Variants in RBMS3 observed in about 807,000 individuals in gnomAD.
RBMS3 encodes the protein RNA-binding motif, single-stranded-interacting protein 3.
A neutral mutation model predicts 66.8 loss-of-function variants in RBMS3; 27 were observed. That is an observed-to-expected ratio of 0.40 (90% CI 0.30 to 0.56). The LOEUF (loss-of-function observed/expected upper bound fraction) is 0.56. Among genes scored for constraint, RBMS3 ranks in the 20% least tolerant of loss-of-function variants. The pLI is 0.40. For missense variants in RBMS3, 513 were observed against 549.5 expected (o/e 0.93, Z 0.66); for synonymous variants, 188 against 183.0 (o/e 1.03, Z -0.22).
chr3:29,356,769 TA>T (rs1052396684), intron 1 of RBMS3, among the ~76,000 whole-genome samples: 2 of 152,134 alleles, frequency 1.3e-5, no homozygotes, highest in African/African-American at 4.8e-5. Context: ...TATATTCAGA[TA>T]CCTAATATGA....
At position 30,007,870 on chromosome 3, in the gene RBMS3, A is replaced by G. The variant is rs879915312; in HGVS notation, c.*4008A>G. The G allele has an allele frequency of 9.9e-5, 15 of 152,044 alleles. No individual in the cohort carries two copies. Among genetic ancestry groups the G allele is most frequent in the Non-Finnish European group, 1.8e-4 (12 of 67,966 alleles). The allele number at this position is 152,044 out of a possible 1,614,324, so 9.4% of individuals were successfully genotyped here. ...TAGCAGATCTGTCACATTTGAAAGC[A>G]TATGACTCACTTCCACCCCCTTCTA... On this transcript the variant is annotated 3_prime_UTR_variant, in exon 15 of 15. Transcript: ENST00000383767.
At chr3:29,825,022 G>C (rs1286012418) in intron 6 of RBMS3, among the ~76,000 whole-genome samples, 1 of 151,482 alleles carries the variant, frequency 6.6e-6, no homozygotes. Flanking sequence ...TTAAAATTAG[G>C]GTAAACTATA....
At chr3:29,779,675 A>G (rs1028831742) in intron 6 of RBMS3, among the ~76,000 whole-genome samples, 7 of 139,914 alleles carry the variant, frequency 5.0e-5, no homozygotes, top group African/African-American at 1.5e-4. Flanking sequence ...ACTGGGATAA[A>G]AATAATCTCA....
At chr3:29,317,939 C>T (rs2034785548) in intron 1 of RBMS3, among the ~76,000 whole-genome samples, 2 of 151,792 alleles carry the variant, frequency 1.3e-5, no homozygotes, top group Admixed American at 1.3e-4. Context: ...TATAGTTGAA[C>T]TTCAGTGATG....
In RBMS3 at chr3:30,009,807, A is replaced by G. The variant is rs925039612; in HGVS notation, c.*5945A>G. On this transcript the variant is annotated 3_prime_UTR_variant, in exon 15 of 15. Coordinates refer to ENST00000383767, the MANE Select transcript of RBMS3 (RefSeq NM_001003793.3). ...GTCCAAAGTGTAACTTTAATGTTAT[A>G]TTTTGTTTCAAACCCTCTGGTCTAA... The G allele has an allele frequency of 1.5e-4, 23 of 152,186 alleles. No individual in the cohort carries two copies. The highest frequency in any genetic ancestry group is 1.5e-3 in the Admixed American group (23 of 15,278). The allele number at this position is 152,186 out of a possible 1,614,324, so 9.4% of individuals were successfully genotyped here.
intron 4 of RBMS3, among the ~76,000 whole-genome samples, chr3:29,691,209 T>C (rs2051991305): frequency 6.6e-6 from 1 of 152,234 alleles, no homozygotes; most frequent in African/African-American, 2.4e-5. Flanking sequence ...GAGCATTTCT[T>C]GAGGTATAAG....
At chr3:29,324,776 T>G (rs2035221413) in intron 1 of RBMS3, among the ~76,000 whole-genome samples, 2 of 152,110 alleles carry the variant, frequency 1.3e-5, no homozygotes. Context: ...TTCTCTTTCC[T>G]TCTTTCTCTT....
intron 3 of RBMS3, among the ~76,000 whole-genome samples, chr3:29,578,471 G>A (rs902694134): frequency 9.2e-5 from 14 of 152,122 alleles, no homozygotes; most frequent in South Asian, 4.1e-4. Flanking sequence ...AGAATCCACC[G>A]TGTCTCATAG....
chr3:29,433,154 A>AT (rs368083819), intron 1 of RBMS3, among the ~76,000 whole-genome samples: 3 of 151,752 alleles, frequency 2.0e-5, no homozygotes, highest in Admixed American at 6.6e-5. Flanking sequence ...CACAAAGTAC[A>AT]TTTTTTTCCC....
chr3:29,593,886 T>G (rs2149105070), intron 4 of RBMS3, among the ~76,000 whole-genome samples: 1 of 152,326 alleles, frequency 6.6e-6, no homozygotes, highest in East Asian at 1.9e-4. Flanking sequence ...TATTAGATTG[T>G]AACAATTGGT....
intron 6 of RBMS3, among the ~76,000 whole-genome samples, chr3:29,857,727 C>T (rs1577009529): frequency 6.6e-6 from 1 of 152,006 alleles, no homozygotes; most frequent in Non-Finnish European, 1.5e-5. Context: ...GAGGTAGACA[C>T]TAGGCAATGG....
At chr3:29,444,555 C>T (rs1301198379) in intron 2 of RBMS3, among the ~76,000 whole-genome samples, 15 of 151,884 alleles carry the variant, frequency 9.9e-5, no homozygotes, top group Non-Finnish European at 8.8e-5. Flanking sequence ...GTGTGCTATA[C>T]CACAGCAGCT....
intron 6 of RBMS3, among the ~76,000 whole-genome samples, chr3:29,772,133 A>T (rs779283544): frequency 2.6e-5 from 4 of 151,966 alleles, no homozygotes; most frequent in African/African-American, 9.7e-5. Flanking sequence ...TGAAGACAGG[A>T]GGCAGCCTTT....
chr3:29,338,014 T>C (rs575947964), intron 1 of RBMS3, among the ~76,000 whole-genome samples: 92 of 152,240 alleles, frequency 6.0e-4, no homozygotes, highest in African/African-American at 2.0e-3. Flanking sequence ...CTCTCCATTT[T>C]TGAGATGGGA....
chr3:29,604,576 T>G (rs1455175984), intron 4 of RBMS3, among the ~76,000 whole-genome samples: 4 of 151,976 alleles, frequency 2.6e-5, no homozygotes, highest in Non-Finnish European at 4.4e-5. Flanking sequence ...GGCAACTAAA[T>G]GTCGTGGGAA....
intron 10 of RBMS3, among the ~76,000 whole-genome samples, chr3:29,923,921 T>C (rs776876928): frequency 6.6e-6 from 1 of 152,220 alleles, no homozygotes; most frequent in Non-Finnish European, 1.5e-5. Context: ...AAACTATTTT[T>C]GATGTAATTA....
At chr3:29,309,993 C>T (rs896107891) in intron 1 of RBMS3, among the ~76,000 whole-genome samples, 1 of 151,420 alleles carries the variant, frequency 6.6e-6, no homozygotes, top group African/African-American at 2.4e-5. Flanking sequence ...AAGAGGGAGG[C>T]TTGAGCATAT....
chr3:29,766,515 T>A (rs1198734951), intron 6 of RBMS3: 2 of 151,998 alleles, frequency 1.3e-5, no homozygotes, highest in Non-Finnish European at 2.9e-5. Flanking sequence ...TGGTATTGGG[T>A]TCTAATTCCT....
At chr3:29,887,453 T>A (rs889371092) in intron 8 of RBMS3, among the ~76,000 whole-genome samples, 2 of 151,722 alleles carry the variant, frequency 1.3e-5, no homozygotes, top group African/African-American at 4.8e-5. Flanking sequence ...AAGAGGCTCA[T>A]CCCCCTTTGC....
Sources: gnomAD v4.1 joint callset for allele counts (sites outside exome capture counted in the v4.1 genomes callset) on GRCh38, gnomAD v4.1.1 for gene constraint, MANE v1.5 for transcripts, NCBI Gene and HGNC (gene_info 2026-07-23, HGNC 2026-07-21) for gene names.